Variants in STEAP1B observed in about 807,000 individuals in gnomAD.
The protein encoded by STEAP1B is STEAP family protein MGC87042.
Under a neutral mutation model 27.9 loss-of-function variants are expected in STEAP1B, and 13 were observed. The observed-to-expected ratio is 0.47, with a 90% CI of 0.30 to 0.74. STEAP1B has a LOEUF of 0.74. Ranked by LOEUF, STEAP1B falls within the 30% of genes least tolerant of loss-of-function variation. The probability of loss-of-function intolerance (pLI) is 0.06; values close to 1 mark genes in which losing one functional copy is unlikely to be tolerated. For synonymous variants in STEAP1B, 86 were observed against 107.1 expected (o/e 0.80, Z 1.22); for missense variants, 250 against 298.7 (o/e 0.84, Z 1.20).
chr7:22,423,551 C>T (rs1248036985), intron 4 of STEAP1B, among the ~76,000 whole-genome samples: 1 of 152,144 alleles, frequency 6.6e-6, no homozygotes, highest in Non-Finnish European at 1.5e-5. Context: ...TATGAAACGT[C>T]CAGGAATAGG....
At chr7:22,485,535 C>T (rs911138641) in intron 4 of STEAP1B, among the ~76,000 whole-genome samples, 1 of 152,130 alleles carries the variant, frequency 6.6e-6, no homozygotes, top group African/African-American at 2.4e-5. Context: ...GTTGCTAAGG[C>T]TAGAGTGCAG....
At chr7:22,478,313 G>A (rs1469288247) in intron 4 of STEAP1B, among the ~76,000 whole-genome samples, 1 of 152,218 alleles carries the variant, frequency 6.6e-6, no homozygotes, top group Non-Finnish European at 1.5e-5. Context: ...CTGGCGCTGA[G>A]ACTTGTTGCT....
intron 4 of STEAP1B, among the ~76,000 whole-genome samples, chr7:22,436,024 G>GGTGGCTGAA (rs1367599521): frequency 2.0e-5 from 3 of 152,152 alleles, no homozygotes; most frequent in Non-Finnish European, 4.4e-5. Context: ...TTGAATTCCA[G>GGTGGCTGAA]CCTCACCAAT....
At chr7:22,463,359 T>C (rs1186914100) in intron 4 of STEAP1B, among the ~76,000 whole-genome samples, 3 of 151,922 alleles carry the variant, frequency 2.0e-5, no homozygotes, top group Non-Finnish European at 4.4e-5. Flanking sequence ...AGAATCAATA[T>C]CATGAAAATG....
intron 4 of STEAP1B, among the ~76,000 whole-genome samples, chr7:22,465,555 A>T (rs537464790): frequency 2.0e-5 from 3 of 152,014 alleles, no homozygotes; most frequent in Admixed American, 6.5e-5. Flanking sequence ...ACTTATTTTC[A>T]ATTTCTTTTG....
At chr7:22,486,991 G>T (rs776069149) in intron 4 of STEAP1B, among the ~76,000 whole-genome samples, 1 of 152,188 alleles carries the variant, frequency 6.6e-6, no homozygotes, top group African/African-American at 2.4e-5. Flanking sequence ...CACTATAAAT[G>T]TTAAGAGACA....
At chr7:22,458,287 A>ACT (rs1785620896) in intron 4 of STEAP1B, among the ~76,000 whole-genome samples, 2 of 152,216 alleles carry the variant, frequency 1.3e-5, no homozygotes, top group African/African-American at 4.8e-5. Flanking sequence ...TAGTGTACTA[A>ACT]AGTGCAATGG....
intron 4 of STEAP1B, among the ~76,000 whole-genome samples, chr7:22,453,804 T>C (rs369396097): frequency 3.3e-5 from 5 of 152,244 alleles, no homozygotes; most frequent in African/African-American, 7.2e-5. Flanking sequence ...ATACATGAAG[T>C]CTTACAGTAT....
At chr7:22,434,182 T>C (rs539350884) in intron 4 of STEAP1B, among the ~76,000 whole-genome samples, 1 of 152,286 alleles carries the variant, frequency 6.6e-6, no homozygotes, top group African/African-American at 2.4e-5. Flanking sequence ...CAGATAAGCA[T>C]CCCAGGGTTC....
chr7:22,476,126 G>A (rs1785967610), intron 4 of STEAP1B, among the ~76,000 whole-genome samples: 1 of 152,148 alleles, frequency 6.6e-6, no homozygotes, highest in Non-Finnish European at 1.5e-5. Context: ...TCTGAGCTGG[G>A]CTTCATGTCC....
chr7:22,424,423 A>C (rs1785081570), intron 4 of STEAP1B, among the ~76,000 whole-genome samples: 2 of 152,232 alleles, frequency 1.3e-5, no homozygotes, highest in Admixed American at 1.3e-4. Flanking sequence ...CAACCCTAAG[A>C]ATAATCAGAA....
chr7:22,444,291 C>T (rs1310719964), intron 4 of STEAP1B, among the ~76,000 whole-genome samples: 8 of 152,176 alleles, frequency 5.3e-5, no homozygotes, highest in African/African-American at 1.2e-4. Flanking sequence ...AAGCACACAG[C>T]ACTGTGCAAG....
At chr7:22,477,055 A>G (rs754018432) in intron 4 of STEAP1B, among the ~76,000 whole-genome samples, 9 of 152,194 alleles carry the variant, frequency 5.9e-5, no homozygotes, top group Non-Finnish European at 1.0e-4. Context: ...TCTGCTGAGT[A>G]ACCTAATCAA....
chr7:22,421,627 G>A (rs1583624887), intron 4 of STEAP1B, among the ~76,000 whole-genome samples: 2 of 152,356 alleles, frequency 1.3e-5, no homozygotes, highest in Admixed American at 1.3e-4. Flanking sequence ...GCCTCAAGGA[G>A]AGCTTTGGTG....
intron 4 of STEAP1B, among the ~76,000 whole-genome samples, chr7:22,432,475 C>T (rs1345502537): frequency 2.0e-5 from 3 of 152,064 alleles, no homozygotes; most frequent in Admixed American, 1.3e-4. Flanking sequence ...ACTTGGGAGG[C>T]TAAGGTGGGA....
At chr7:22,458,103 G>GA (rs1165607845) in intron 4 of STEAP1B, among the ~76,000 whole-genome samples, 1 of 152,134 alleles carries the variant, frequency 6.6e-6, no homozygotes, top group African/African-American at 2.4e-5. Context: ...AGCTGAAGAA[G>GA]AAAAAATTAC....
intron 4 of STEAP1B, among the ~76,000 whole-genome samples, chr7:22,428,004 TC>T (rs1562565010): frequency 1.3e-5 from 2 of 152,204 alleles, no homozygotes; most frequent in African/African-American, 4.8e-5. Flanking sequence ...TCTCAGCCAG[TC>T]CTACAAAGGA....
intron 4 of STEAP1B, among the ~76,000 whole-genome samples, chr7:22,484,223 C>T (rs1409185894): frequency 6.6e-6 from 1 of 152,198 alleles, no homozygotes; most frequent in Non-Finnish European, 1.5e-5. Context: ...TGGAAGATGC[C>T]ATCTAGGAGA....
intron 4 of STEAP1B, among the ~76,000 whole-genome samples, chr7:22,425,591 C>A (rs1785095712): frequency 6.6e-6 from 1 of 152,186 alleles, no homozygotes; most frequent in Non-Finnish European, 1.5e-5. Flanking sequence ...TAACTGGCAG[C>A]CATTTTGCTT....
Sources: gnomAD v4.1 joint callset for allele counts (sites outside exome capture counted in the v4.1 genomes callset) on GRCh38, gnomAD v4.1.1 for gene constraint, MANE v1.5 for transcripts, NCBI Gene and HGNC (gene_info 2026-07-23, HGNC 2026-07-21) for gene names.